SVBP: variants seen among roughly 807,000 people sequenced by gnomAD.
SVBP encodes small vasohibin binding protein.
Under a neutral mutation model 9.2 loss-of-function variants are expected in SVBP, and 9 were observed. The ratio of observed to expected loss-of-function variants is 0.98; its 90% CI spans 0.59 to 1.71. SVBP has a LOEUF of 1.71. SVBP is among the 40% of genes most tolerant of loss of function. The pLI is 0.00. For synonymous variants in SVBP, 27 were observed against 23.9 expected (o/e 1.13, Z -0.37); for missense variants, 63 against 73.2 (o/e 0.86, Z 0.51).
At chr1:42,810,920 A>G (rs1654069795) in intron 2 of SVBP, among the ~76,000 whole-genome samples, 1 of 152,166 alleles carries the variant, frequency 6.6e-6, no homozygotes, top group Admixed American at 6.5e-5. Context: ...TGTGCGGATC[A>G]CTTGAGGTCA....
chr1:42,807,851 G>C (rs1258230136), intron 2 of SVBP, among the ~76,000 whole-genome samples: 1 of 152,094 alleles, frequency 6.6e-6, no homozygotes, highest in Non-Finnish European at 1.5e-5. Context: ...GTCTAGTTCT[G>C]TAAGGCTGCA....
At chr1:42,810,125 TACACACACACAC>T (rs60221264) in intron 2 of SVBP, among the ~76,000 whole-genome samples, 4 of 140,928 alleles carry the variant, frequency 2.8e-5, no homozygotes, top group Non-Finnish European at 4.6e-5. Flanking sequence ...CATACATACA[TACACACACACAC>T]ACACACACAC....
rs1467777273 is a variant in SVBP at position 42,817,214 on chromosome 1, T to G, written c.-61A>C. On this transcript the variant is annotated 5_prime_UTR_variant, in exon 1 of 3. Transcript: ENST00000372521. ...CCTTTCCCGACCGGGCCACTGGAAGTTGGAGCCTCCGCCGAGTCGCAGACA... is the reference window on the plus strand; with the variant it reads ...CCTTTCCCGACCGGGCCACTGGAAGGTGGAGCCTCCGCCGAGTCGCAGACA... 4.8e-6 allele frequency: 6 copies of G among 1,256,236 alleles called. No individual in the cohort carries two copies. The highest frequency in any genetic ancestry group is 6.2e-6 in the Non-Finnish European group (6 of 974,124). The allele number at this position is 1,256,236 out of a possible 1,614,324, so 77.8% of individuals were successfully genotyped here. A position where few individuals can be genotyped will look rare whatever the true frequency, so the allele number is the denominator to read the frequency against.
rs948479687 is a variant in SVBP at position 42,817,363 on chromosome 1, G to C, written c.-210C>G. On this transcript the variant is annotated 5_prime_UTR_variant, in exon 1 of 3. Coordinates refer to ENST00000372521, the MANE Select transcript of SVBP (RefSeq NM_199342.4). ...AGGGGCGCAGGGCCGAGCGCCAGGA[G>C]GCTTCCGCCCGCAGGAGCGGCCGCG... is the stretch of plus-strand genomic sequence containing the variant. 1.5e-6 allele frequency: 1 copy of C among 688,716 alleles called. No homozygotes were observed. The highest frequency in any genetic ancestry group is 1.9e-6 in the Non-Finnish European group (1 of 536,076). 42.7% of individuals were successfully genotyped at this position (688,716 alleles called of 1,614,324 possible).
chr1:42,817,131 C>G, intron 1 of SVBP, 59 bp downstream of exon 1: 1 of 1,187,872 alleles, frequency 8.4e-7, no homozygotes. Context: ...CCTCTTCCCT[C>G]TCCTGGAGGA....
At position 42,817,359 on chromosome 1, in the gene SVBP, A is replaced by G. The variant is rs1298841678; in HGVS notation, c.-206T>C. On this transcript the variant is annotated 5_prime_UTR_variant, in exon 1 of 3. Coordinates refer to ENST00000372521, the MANE Select transcript of SVBP (RefSeq NM_199342.4). ...GGGGAGGGGCGCAGGGCCGAGCGCC[A>G]GGAGGCTTCCGCCCGCAGGAGCGGC... 3 of 724,282 alleles carry G rather than the reference A, an allele frequency of 4.1e-6. No homozygotes were observed. Among genetic ancestry groups the G allele is most frequent in the South Asian group, 2.9e-5 (1 of 33,984 alleles). 44.9% of individuals were successfully genotyped at this position (724,282 alleles called of 1,614,324 possible).
At chr1:42,812,511 T>C (rs573584640) in intron 2 of SVBP, among the ~76,000 whole-genome samples, 1 of 152,346 alleles carries the variant, frequency 6.6e-6, no homozygotes, top group African/African-American at 2.4e-5. Context: ...CCACCATCAC[T>C]GGGGACAGTA....
chr1:42,809,710 C>A (rs1473003422), intron 2 of SVBP, among the ~76,000 whole-genome samples: 2 of 151,986 alleles, frequency 1.3e-5, no homozygotes, highest in Non-Finnish European at 2.9e-5. Flanking sequence ...CTAACACTAC[C>A]GCAAATGATT....
At chr1:42,816,766 C>T (rs1242185936) in intron 1 of SVBP, 186 bp from the exon 2 acceptor site, 6 of 509,790 alleles carry the variant, frequency 1.2e-5, no homozygotes, top group Non-Finnish European at 2.1e-5. Context: ...CGCTGGGTGT[C>T]CCTGGGCAAG....
chr1:42,815,414 G>T (rs1367717614), intron 2 of SVBP, among the ~76,000 whole-genome samples: 1 of 138,904 alleles, frequency 7.2e-6, no homozygotes. Flanking sequence ...AAAAAAAAAA[G>T]CAATGTGGCA....
intron 2 of SVBP, among the ~76,000 whole-genome samples, chr1:42,809,301 AG>A (rs2124242950): frequency 6.6e-6 from 1 of 152,328 alleles, no homozygotes; most frequent in Non-Finnish European, 1.5e-5. Context: ...AAGACAAGGA[AG>A]GGGGAAAAAA....
At chr1:42,810,158 A>T (rs962704750) in intron 2 of SVBP, among the ~76,000 whole-genome samples, 6 of 147,052 alleles carry the variant, frequency 4.1e-5, no homozygotes, top group East Asian at 2.0e-4. Context: ...ACACACATAT[A>T]TTTTTTTTGT....
chr1:42,816,729 A>G (rs923160251), intron 1 of SVBP, 149 bp from the exon 2 acceptor site: 8 of 549,526 alleles, frequency 1.5e-5, no homozygotes, highest in Non-Finnish European at 2.6e-5. Context: ...GTGGGGGAGT[A>G]GGAACCGAGT....
chr1:42,807,946 GTA>G (rs1653994924), intron 2 of SVBP, among the ~76,000 whole-genome samples: 1 of 151,826 alleles, frequency 6.6e-6, no homozygotes, highest in Non-Finnish European at 1.5e-5. Context: ...TAATGGAAAA[GTA>G]TAGAGTCTGT....
Position 42,807,496 on chromosome 1 carries a change from T to C in SVBP, c.119A>G (p.Tyr40Cys), listed in dbSNP as rs1298713483. 1.2e-5 allele frequency: 20 copies of C among 1,612,204 alleles called. No homozygotes were observed. The highest frequency in any genetic ancestry group is 2.2e-5 in the East Asian group (1 of 44,878). The change falls in exon 3 of 3, where the codon TAT becomes TGT. Residue 40 changes from tyrosine (Y) to cysteine (C), a missense_variant. Transcript: ENST00000372521. ...TTCTGTCATGACTCTGTTGAGGGCA[T>C]AGATCTGAATGAGAGAAAGAGATAC... ...ELKQRQRAEI[Y>C]ALNRVMTELE...
At chr1:42,812,920 T>C (rs1364733048) in intron 2 of SVBP, among the ~76,000 whole-genome samples, 1 of 152,178 alleles carries the variant, frequency 6.6e-6, no homozygotes, top group Non-Finnish European at 1.5e-5. Flanking sequence ...ATTCTACTTG[T>C]AGCAAAGAGG....
chr1:42,810,285 C>T (rs1654055661), intron 2 of SVBP, among the ~76,000 whole-genome samples: 1 of 151,988 alleles, frequency 6.6e-6, no homozygotes, highest in South Asian at 2.1e-4. Context: ...GTAGCTGGGA[C>T]TACAGGCGTG....
At chr1:42,815,626 G>A (rs1340006552) in intron 2 of SVBP, among the ~76,000 whole-genome samples, 2 of 151,984 alleles carry the variant, frequency 1.3e-5, no homozygotes, top group Non-Finnish European at 2.9e-5. Flanking sequence ...GCATAAAATA[G>A]ACTATTATAA....
intron 2 of SVBP, among the ~76,000 whole-genome samples, chr1:42,812,381 C>A (rs1045811766): frequency 2.0e-5 from 3 of 152,214 alleles, no homozygotes; most frequent in African/African-American, 7.2e-5. Context: ...ACAGTCAACA[C>A]ACCACCATTT....
Sources: allele counts gnomAD v4.1 joint callset (sites outside exome capture counted in the v4.1 genomes callset), GRCh38; gene constraint gnomAD v4.1.1; transcripts MANE v1.5; gene names NCBI Gene and HGNC (gene_info 2026-07-23, HGNC 2026-07-21).